The following COL8A1 variants were observed in gnomAD, a reference collection of about 807,000 sequenced individuals.
COL8A1 encodes the protein collagen alpha-1(VIII) chain.
In COL8A1, 21 loss-of-function variants were observed where a neutral mutation model predicts 42.7. The observed-to-expected ratio is 0.49, with a 90% confidence interval of 0.35 to 0.71. COL8A1 has a LOEUF of 0.71. Ranked by LOEUF, COL8A1 falls within the 30% of genes least tolerant of loss-of-function variation. The pLI, the probability that COL8A1 is intolerant of heterozygous loss-of-function variation, is 0.01. For missense variants in COL8A1, 788 were observed against 962.4 expected (o/e 0.82, Z 2.40); for synonymous variants, 367 against 369.1 (o/e 0.99, Z 0.06).
chr3:99,740,688 G>T (rs1940874442), intron 1 of COL8A1, among the ~76,000 whole-genome samples: 1 of 152,110 alleles, frequency 6.6e-6, no homozygotes, highest in South Asian at 2.1e-4. Flanking sequence ...TGAGATTTGG[G>T]TGAGGACACA....
At position 99,795,969 on chromosome 3, in the gene COL8A1, G is replaced by C; in HGVS notation, c.2068G>C (p.Asp690His). 5 of 1,614,074 alleles carry C rather than the reference G, an allele frequency of 3.1e-6. No individual in the cohort carries two copies. The highest frequency in any genetic ancestry group is 4.2e-6 in the Non-Finnish European group (5 of 1,179,980). The change falls in exon 4 of 4, where the codon GAC (aspartate) becomes CAC (histidine). Residue 690 changes from aspartate (D) to histidine (H), a missense_variant. Asp to His is a moderately conservative substitution (Grantham distance 81). This residue lies in a region of COL8A1 where 212 missense variants were observed against 210.9 expected (regional missense o/e 1.00). Coordinates refer to ENST00000652472, the MANE Select transcript of COL8A1 (RefSeq NM_020351.4). ...CAACGAGCCCGTGATGTACACGTACGACGAGTACAAAAAGGGCTTCCTGGA... is the reference window on the plus strand; with the variant it reads ...CAACGAGCCCGTGATGTACACGTACCACGAGTACAAAAAGGGCTTCCTGGA... ...KNNEPVMYTYDEYKKGFLDQA... is the reference protein window; with the variant it reads ...KNNEPVMYTYHEYKKGFLDQA...
At chr3:99,643,481 A>G (rs1408218530) in intron 1 of COL8A1, among the ~76,000 whole-genome samples, 1 of 152,128 alleles carries the variant, frequency 6.6e-6, no homozygotes, top group African/African-American at 2.4e-5. Context: ...TAAAATATCC[A>G]TTTTCCTAAA....
At chr3:99,789,696 G>T (rs1021225149) in intron 2 of COL8A1, among the ~76,000 whole-genome samples, 14 of 152,246 alleles carry the variant, frequency 9.2e-5, no homozygotes, top group Admixed American at 2.0e-4. Context: ...CTGCTAATTT[G>T]TAAAGAGTGC....
intron 1 of COL8A1, among the ~76,000 whole-genome samples, chr3:99,655,023 G>A (rs1275194955): frequency 6.6e-6 from 1 of 152,168 alleles, no homozygotes; most frequent in Non-Finnish European, 1.5e-5. Context: ...ATGCCATGAA[G>A]GATGGTTTCT....
At chr3:99,696,043 A>G (rs1486928436) in intron 1 of COL8A1, among the ~76,000 whole-genome samples, 1 of 152,216 alleles carries the variant, frequency 6.6e-6, no homozygotes, top group African/African-American at 2.4e-5. Flanking sequence ...CTGAGGCAGG[A>G]GAATTGCTTG....
At chr3:99,731,635 G>A (rs1243302578) in intron 1 of COL8A1, among the ~76,000 whole-genome samples, 1 of 152,182 alleles carries the variant, frequency 6.6e-6, no homozygotes. Flanking sequence ...ACAGAGTAGA[G>A]CAAGAGTAGA....
At chr3:99,691,908 T>C (rs528826070) in intron 1 of COL8A1, 2 of 152,246 alleles carry the variant, frequency 1.3e-5, no homozygotes, top group Non-Finnish European at 2.9e-5. Flanking sequence ...AATTGCCAAG[T>C]GTTAATGTTA....
chr3:99,739,880 A>T (rs939687741), intron 1 of COL8A1, among the ~76,000 whole-genome samples: 1 of 152,144 alleles, frequency 6.6e-6, no homozygotes, highest in Admixed American at 6.5e-5. Context: ...CTCCCCAGAA[A>T]ATTTGTTTTT....
At chr3:99,772,564 A>G (rs1576471051) in intron 2 of COL8A1, among the ~76,000 whole-genome samples, 1 of 152,204 alleles carries the variant, frequency 6.6e-6, no homozygotes, top group East Asian at 1.9e-4. Context: ...TAGGAGGAAT[A>G]TATGGGAACT....
chr3:99,736,485 TG>T (rs1282900896), intron 1 of COL8A1, among the ~76,000 whole-genome samples: 1 of 152,216 alleles, frequency 6.6e-6, no homozygotes, highest in African/African-American at 2.4e-5. Context: ...CATTTCGTTA[TG>T]TACCCAGTAG....
chr3:99,762,544 C>T (rs1049232865), intron 2 of COL8A1, among the ~76,000 whole-genome samples: 2 of 152,116 alleles, frequency 1.3e-5, no homozygotes, highest in African/African-American at 4.8e-5. Flanking sequence ...TTTGTTCCCA[C>T]CCTCAACTCT....
At chr3:99,700,555 A>T (rs868006093) in intron 1 of COL8A1, among the ~76,000 whole-genome samples, 3 of 151,976 alleles carry the variant, frequency 2.0e-5, no homozygotes, top group South Asian at 4.2e-4. Flanking sequence ...CATCTTTGTT[A>T]CTTACTTGTC....
intron 1 of COL8A1, among the ~76,000 whole-genome samples, chr3:99,716,541 T>A (rs1940000607): frequency 6.6e-6 from 1 of 152,020 alleles, no homozygotes; most frequent in Non-Finnish European, 1.5e-5. Context: ...TATTAAATAA[T>A]AAGAATTTCA....
At chr3:99,769,017 T>A (rs1169623660) in intron 2 of COL8A1, among the ~76,000 whole-genome samples, 1 of 152,220 alleles carries the variant, frequency 6.6e-6, no homozygotes, top group African/African-American at 2.4e-5. Context: ...TTGTTGTTAT[T>A]TGGTTGCTTT....
At chr3:99,719,049 C>T (rs1404008586) in intron 1 of COL8A1, among the ~76,000 whole-genome samples, 2 of 152,032 alleles carry the variant, frequency 1.3e-5, no homozygotes, top group Non-Finnish European at 2.9e-5. Context: ...AAGTTACTTA[C>T]CATTCCTGTG....
chr3:99,712,256 C>T (rs529988226), intron 1 of COL8A1, among the ~76,000 whole-genome samples: 26 of 152,244 alleles, frequency 1.7e-4, no homozygotes, highest in African/African-American at 5.8e-4. Flanking sequence ...AGATTCCAAA[C>T]AATTCCTGGA....
chr3:99,752,554 C>T (rs1190685288), intron 2 of COL8A1, among the ~76,000 whole-genome samples: 1 of 152,076 alleles, frequency 6.6e-6, no homozygotes. Context: ...CCAAGGTCAG[C>T]TCCAAAGTTT....
At chr3:99,735,066 T>G (rs1450078509) in intron 1 of COL8A1, among the ~76,000 whole-genome samples, 1 of 150,898 alleles carries the variant, frequency 6.6e-6, no homozygotes, top group African/African-American at 2.4e-5. Context: ...ATAATGGGGT[T>G]TTCTAGATAT....
intron 2 of COL8A1, among the ~76,000 whole-genome samples, chr3:99,783,437 A>T (rs1941833298): frequency 6.6e-6 from 1 of 152,232 alleles, no homozygotes; most frequent in Non-Finnish European, 1.5e-5. Flanking sequence ...TAGCCATCCC[A>T]GTAGATGTAA....
Sources: gnomAD v4.1 joint callset for allele counts (sites outside exome capture counted in the v4.1 genomes callset) on GRCh38, gnomAD v4.1.1 for gene constraint, gnomAD v4.1.1 regional missense constraint, MANE v1.5 for transcripts, NCBI Gene and HGNC (gene_info 2026-07-23, HGNC 2026-07-21) for gene names.